Variants in LARP1B observed in about 807,000 individuals in gnomAD.
LARP1B encodes the protein la-related protein 1B.
LARP1B carries 76 observed loss-of-function variants against 114.2 expected under a neutral mutation model. The ratio of observed to expected loss-of-function variants is 0.67; its 90% CI spans 0.55 to 0.81. The LOEUF (loss-of-function observed/expected upper bound fraction) is 0.81, where lower values mean the gene tolerates loss of function less well. LARP1B is among the 30% of genes least tolerant of loss of function. LARP1B has a pLI of 0.00. For synonymous variants in LARP1B, 345 were observed against 348.0 expected (o/e 0.99, Z 0.10); for missense variants, 1,014 against 1,075.8 (o/e 0.94, Z 0.80).
At chr4:128,166,768 C>T (rs1741007095) in intron 12 of LARP1B, among the ~76,000 whole-genome samples, 1 of 151,094 alleles carries the variant, frequency 6.6e-6, no homozygotes, top group Non-Finnish European at 1.5e-5. Context: ...TTATTATCTA[C>T]ATCTATATAC....
In LARP1B at chr4:128,076,799, C is replaced by T. The variant is rs531893250; in HGVS notation, c.43-989C>T. 3.3e-5 allele frequency among the ~76,000 whole-genome samples: 5 copies of T among 152,200 alleles called. No individual in the cohort carries two copies. The East Asian group carries it at 7.7e-4, about 24-fold the overall frequency. ...GGAGTACAGTGGCATGATCTCAGCT[C>T]ATTGCAGTCTTGACCTCCTGGGCTC... On this transcript the variant is annotated intron_variant, in intron 3 of 19. Transcript: ENST00000326639.
rs754908017 is a variant in LARP1B, at chr4:128,090,979, A to C, written c.359-22A>C. 1.2e-5 allele frequency: 18 copies of C among 1,539,572 alleles called. No individual in the cohort carries two copies. The South Asian group carries it at 2.1e-4, about 18-fold the overall frequency. On this transcript the variant is annotated intron_variant, in intron 5 of 19. Transcript: ENST00000326639. ...TTTACTTGGCAAATCGAAGTATATA[A>C]AAATATTTTTATTTTTAAAAGGTTG...
At chr4:128,077,736 T>C (rs970503877) in intron 3 of LARP1B, 52 bp from the exon 4 acceptor site, 62 of 1,454,102 alleles carry the variant, frequency 4.3e-5, no homozygotes, top group Admixed American at 1.1e-4. Flanking sequence ...TTTTTGGGTA[T>C]GTTAGTGAAA....
intron 9 of LARP1B, among the ~76,000 whole-genome samples, chr4:128,109,990 G>A (rs1286623817): frequency 1.3e-5 from 2 of 152,000 alleles, no homozygotes; most frequent in African/African-American, 2.4e-5. Flanking sequence ...TGCAACTTCC[G>A]CCTCCTGGAT....
chr4:128,082,450 C>T (rs1770861803), intron 5 of LARP1B, 145 bp downstream of exon 5: 2 of 654,276 alleles, frequency 3.1e-6, no homozygotes, highest in South Asian at 2.0e-5. Context: ...GGGTATATTT[C>T]ATAAGAACAA....
chr4:128,065,267 TTC>T (rs1762063099), intron 1 of LARP1B, among the ~76,000 whole-genome samples: 1 of 109,674 alleles, frequency 9.1e-6, no homozygotes, highest in South Asian at 3.3e-4. Context: ...CTTTCTTTCT[TTC>T]TTTCTTTCTT....
chr4:128,160,687 G>C (rs1360013074), intron 11 of LARP1B, among the ~76,000 whole-genome samples: 1 of 152,184 alleles, frequency 6.6e-6, no homozygotes, highest in African/African-American at 2.4e-5. Flanking sequence ...GTTGCTAATA[G>C]CAAGCTCTGT....
intron 9 of LARP1B, among the ~76,000 whole-genome samples, chr4:128,110,655 C>T (rs1174706956): frequency 3.5e-5 from 2 of 57,526 alleles, no homozygotes; most frequent in African/African-American, 8.1e-5. Flanking sequence ...CCAGCCTGGG[C>T]GACAGAGCGA....
chr4:128,193,707 C>T (rs1386256227), intron 15 of LARP1B, among the ~76,000 whole-genome samples: 1 of 152,074 alleles, frequency 6.6e-6, no homozygotes, highest in African/African-American at 2.4e-5. Context: ...ACCCCTGCCT[C>T]CTGGGTTCAA....
At chr4:128,112,738 T>A (rs953470900) in intron 9 of LARP1B, among the ~76,000 whole-genome samples, 15 of 151,982 alleles carry the variant, frequency 9.9e-5, no homozygotes, top group African/African-American at 2.9e-4. Flanking sequence ...CCCCCCAAAG[T>A]GCTGGGATTA....
intron 11 of LARP1B, among the ~76,000 whole-genome samples, chr4:128,124,315 C>T (rs1245497903): frequency 6.6e-6 from 1 of 152,092 alleles, no homozygotes; most frequent in Non-Finnish European, 1.5e-5. Context: ...CAGGGAAGGC[C>T]TCTGAGAAAG....
chr4:128,166,954 CTCTCTCTCTCTCTCTCTA>C (rs1178701114), intron 12 of LARP1B, among the ~76,000 whole-genome samples: 22 of 113,900 alleles, frequency 1.9e-4, no homozygotes, highest in East Asian at 7.9e-4. Flanking sequence ...CTCTCTCTCT[CTCTCTCTCTCTCTCTCTA>C]TATATATATA....
intron 9 of LARP1B, among the ~76,000 whole-genome samples, chr4:128,114,214 T>C (rs1256186859): frequency 6.6e-6 from 1 of 152,198 alleles, no homozygotes; most frequent in Non-Finnish European, 1.5e-5. Context: ...GCAACTGAGA[T>C]GCCATAATTT....
chr4:128,092,844 T>C, intron 7 of LARP1B: 1 of 985,454 alleles, frequency 1.0e-6, no homozygotes, highest in Non-Finnish European at 1.2e-6. Flanking sequence ...GCTGTCAACT[T>C]CATACCACTA....
chr4:128,168,520 C>T (rs1190906342), intron 12 of LARP1B, among the ~76,000 whole-genome samples: 1 of 151,892 alleles, frequency 6.6e-6, no homozygotes, highest in African/African-American at 2.4e-5. Flanking sequence ...CTTCTCAGAA[C>T]CTGGGGCTTA....
intron 15 of LARP1B, among the ~76,000 whole-genome samples, chr4:128,192,321 A>G (rs965097872): frequency 2.6e-5 from 4 of 152,174 alleles, no homozygotes; most frequent in Non-Finnish European, 5.9e-5. Context: ...TGAACCAGCA[A>G]TATCTCTGAG....
In LARP1B at chr4:128,123,011, T is replaced by A. The variant is rs966260807; in HGVS notation, c.1524+823T>A. 8.1e-6 allele frequency: 8 copies of A among 984,964 alleles called. No homozygotes were observed. In the African/African-American group the frequency reaches 1.4e-4, roughly 17 times the overall value. The allele number at this position is 984,964 out of a possible 1,614,324, so 61.0% of individuals were successfully genotyped here. A position where few individuals can be genotyped will look rare whatever the true frequency, so the allele number is the denominator to read the frequency against. ...AATAAGGGAAAATTATATAACATTA[T>A]ATGCCAAATAGGAAACTGATCTTGG... is the stretch of plus-strand genomic sequence containing the variant. On this transcript the variant is annotated intron_variant, in intron 11 of 19. Coordinates refer to ENST00000326639, the MANE Select transcript of LARP1B (RefSeq NM_018078.4).
At chr4:128,117,104 A>G (rs1374178697) in intron 10 of LARP1B, among the ~76,000 whole-genome samples, 1 of 151,220 alleles carries the variant, frequency 6.6e-6, no homozygotes, top group Non-Finnish European at 1.5e-5. Context: ...ATGGAGATGG[A>G]GTTTTACCAT....
In LARP1B at chr4:128,199,576, A is replaced by G. The variant is rs750162387; in HGVS notation, c.2141A>G (p.Lys714Arg). The G allele has an allele frequency of 1.3e-6, 2 of 1,573,224 alleles. No homozygotes were observed. The highest frequency in any genetic ancestry group is 1.7e-6 in the Non-Finnish European group (2 of 1,158,392). ...GGCTTTACCCAACAAGTGTACCACA[A>G]GTATCGTCGAAGATGCCTAAGTGGT... is the stretch of plus-strand genomic sequence containing the variant. ...ENGFTQQVYH[K>R]YRRRCLSERK... Residue 714 changes from lysine (K) to arginine (R), a missense_variant, in exon 16 of 20, where the codon AAG becomes AGG. Lys to Arg is a conservative substitution (Grantham distance 26). Coordinates refer to ENST00000326639, the MANE Select transcript of LARP1B (RefSeq NM_018078.4).
Sources: gnomAD v4.1 joint callset for allele counts (sites outside exome capture counted in the v4.1 genomes callset) on GRCh38, gnomAD v4.1.1 for gene constraint, MANE v1.5 for transcripts, NCBI Gene and HGNC (gene_info 2026-07-23, HGNC 2026-07-21) for gene names.